GPC5: variants seen among roughly 807,000 people sequenced by gnomAD.
The protein encoded by GPC5 is glypican-5.
GPC5 carries 47 observed loss-of-function variants against 53.9 expected under a neutral mutation model. The observed-to-expected ratio is 0.87, with a 90% CI of 0.69 to 1.11. The LOEUF (loss-of-function observed/expected upper bound fraction) is 1.11. Ranked by LOEUF, GPC5 falls within the 50% of genes most tolerant of loss-of-function variation. GPC5 has a pLI of 0.00. For missense variants in GPC5, 748 were observed against 713.1 expected (o/e 1.05, Z -0.56); for synonymous variants, 286 against 263.3 (o/e 1.09, Z -0.84).
At chr13:92,555,360 A>C (rs1882458600) in intron 7 of GPC5, among the ~76,000 whole-genome samples, 1 of 151,612 alleles carries the variant, frequency 6.6e-6, no homozygotes, top group Non-Finnish European at 1.5e-5. Flanking sequence ...ACTTAAAATA[A>C]TATTTAAATG....
intron 7 of GPC5, among the ~76,000 whole-genome samples, chr13:92,457,813 C>T (rs925537005): frequency 2.0e-5 from 3 of 152,146 alleles, no homozygotes; most frequent in Admixed American, 6.6e-5. Context: ...CATCTCTCCT[C>T]TCATCTCCCA....
chr13:91,569,922 GT>G (rs1261235512), intron 2 of GPC5, among the ~76,000 whole-genome samples: 1 of 152,144 alleles, frequency 6.6e-6, no homozygotes, highest in Admixed American at 6.6e-5. Flanking sequence ...ATAAGTTTCT[GT>G]TTTTTATAAA....
At chr13:92,800,743 TAC>T (rs1427263432) in intron 7 of GPC5, among the ~76,000 whole-genome samples, 1 of 151,892 alleles carries the variant, frequency 6.6e-6, no homozygotes, top group Non-Finnish European at 1.5e-5. Flanking sequence ...TCTTCATTGA[TAC>T]AGAGTTCATT....
At chr13:92,579,599 T>C (rs1017002236) in intron 7 of GPC5, among the ~76,000 whole-genome samples, 4 of 152,032 alleles carry the variant, frequency 2.6e-5, no homozygotes, top group Admixed American at 6.6e-5. Context: ...GGGAAGTTAA[T>C]TTATAAATAA....
chr13:92,680,799 G>C (rs1446872501), intron 7 of GPC5, among the ~76,000 whole-genome samples: 1 of 152,130 alleles, frequency 6.6e-6, no homozygotes, highest in Admixed American at 6.6e-5. Flanking sequence ...ATATTGATCT[G>C]ACCCATAAAC....
intron 7 of GPC5, among the ~76,000 whole-genome samples, chr13:92,564,523 T>C (rs1045393394): frequency 1.4e-4 from 21 of 152,190 alleles, no homozygotes; most frequent in African/African-American, 5.1e-4. Flanking sequence ...TATTTTATAA[T>C]TTCATTTTTT....
At chr13:92,619,965 A>T (rs566130900) in intron 7 of GPC5, among the ~76,000 whole-genome samples, 22 of 152,094 alleles carry the variant, frequency 1.4e-4, no homozygotes, top group Non-Finnish European at 2.9e-4. Context: ...ATGCTAAAAT[A>T]AATAAGTCAA....
chr13:91,486,865 C>T (rs964713996), intron 2 of GPC5: 4 of 152,138 alleles, frequency 2.6e-5, no homozygotes, highest in African/African-American at 9.7e-5. Flanking sequence ...GAACAGAGAA[C>T]AGGTAAGGGT....
intron 7 of GPC5, among the ~76,000 whole-genome samples, chr13:92,490,482 A>G (rs1319275987): frequency 1.3e-5 from 2 of 152,082 alleles, no homozygotes; most frequent in Admixed American, 1.3e-4. Context: ...GACATTAAGT[A>G]TCCACCCAGC....
At chr13:92,697,462 T>C (rs1332595389) in intron 7 of GPC5, among the ~76,000 whole-genome samples, 2 of 152,170 alleles carry the variant, frequency 1.3e-5, no homozygotes, top group Non-Finnish European at 2.9e-5. Context: ...TTTTAGCAAT[T>C]GTTAATGGGA....
intron 7 of GPC5, among the ~76,000 whole-genome samples, chr13:92,310,675 A>C (rs985622574): frequency 7.2e-5 from 11 of 152,156 alleles, no homozygotes; most frequent in African/African-American, 2.4e-4. Flanking sequence ...TTGTTTAATA[A>C]AGTTTTTATT....
chr13:91,979,063 T>A (rs1404484593), intron 6 of GPC5, among the ~76,000 whole-genome samples: 2 of 152,168 alleles, frequency 1.3e-5, no homozygotes, highest in African/African-American at 4.8e-5. Context: ...AGGAATAGAC[T>A]TGGGTGAGGG....
intron 7 of GPC5, among the ~76,000 whole-genome samples, chr13:92,665,423 C>A (rs1566352241): frequency 6.6e-6 from 1 of 152,204 alleles, no homozygotes; most frequent in Non-Finnish European, 1.5e-5. Context: ...GAATTCAGAT[C>A]TCTTGACCCT....
intron 5 of GPC5, among the ~76,000 whole-genome samples, chr13:91,782,405 G>A (rs342672): frequency 0.36 from 55,027 of 152,052 alleles, 11,651 homozygotes; most frequent in African/African-American, 0.59. Context: ...GAAACTTACA[G>A]TCATGGTGGA....
At chr13:92,850,498 C>G (rs1448874770) in intron 7 of GPC5, among the ~76,000 whole-genome samples, 1 of 152,084 alleles carries the variant, frequency 6.6e-6, no homozygotes, top group Non-Finnish European at 1.5e-5. Context: ...ACTTGAGAGG[C>G]TGAGACAGGA....
intron 2 of GPC5, among the ~76,000 whole-genome samples, chr13:91,600,003 C>T (rs1231471344): frequency 6.6e-6 from 1 of 151,784 alleles, no homozygotes; most frequent in Non-Finnish European, 1.5e-5. Context: ...CTCACTGCCA[C>T]CTCTGCCTCC....
chr13:92,467,594 T>A (rs558460564), intron 7 of GPC5, among the ~76,000 whole-genome samples: 66 of 152,236 alleles, frequency 4.3e-4, no homozygotes, highest in African/African-American at 1.6e-3. Context: ...ACTATTGTTA[T>A]CTTTATTTCA....
chr13:91,429,825 G>A (rs1879306907), intron 1 of GPC5, among the ~76,000 whole-genome samples: 1 of 152,162 alleles, frequency 6.6e-6, no homozygotes, highest in Non-Finnish European at 1.5e-5. Flanking sequence ...GAAGCAGTTT[G>A]CCTTCTCCTC....
chr13:91,557,234 C>T (rs1277497583), intron 2 of GPC5, among the ~76,000 whole-genome samples: 3 of 152,132 alleles, frequency 2.0e-5, no homozygotes, highest in Non-Finnish European at 4.4e-5. Context: ...CAATTTTTCA[C>T]TTTGGCTGTT....
Sources: gnomAD v4.1 joint callset for allele counts (sites outside exome capture counted in the v4.1 genomes callset) on GRCh38, gnomAD v4.1.1 for gene constraint, MANE v1.5 for transcripts, NCBI Gene and HGNC (gene_info 2026-07-23, HGNC 2026-07-21) for gene names.